Variants in ESRRG observed in about 807,000 individuals in gnomAD.
ESRRG encodes the protein estrogen related receptor gamma.
A neutral mutation model predicts 44.0 loss-of-function variants in ESRRG; 13 were observed. The ratio of observed to expected loss-of-function variants is 0.30; its 90% CI spans 0.19 to 0.47. The LOEUF (loss-of-function observed/expected upper bound fraction) is 0.47, where lower values mean the gene tolerates loss of function less well. ESRRG is among the 20% of genes least tolerant of loss of function. The pLI is 1.00. For synonymous variants in ESRRG, 215 were observed against 214.6 expected (o/e 1.00, Z -0.02); for missense variants, 395 against 580.6 (o/e 0.68, Z 3.29).
At chr1:216,670,096 T>C (rs2074859884) in intron 2 of ESRRG, among the ~76,000 whole-genome samples, 1 of 152,242 alleles carries the variant, frequency 6.6e-6, no homozygotes, top group Non-Finnish European at 1.5e-5. Context: ...GAGGTAGTTA[T>C]TTTCTCTAGA....
intron 1 of ESRRG, among the ~76,000 whole-genome samples, chr1:217,087,311 C>A (rs1485830212): frequency 6.6e-6 from 1 of 152,332 alleles, no homozygotes; most frequent in African/African-American, 2.4e-5. Flanking sequence ...CACTGCCATT[C>A]TCATGCTGAT....
At chr1:216,696,785 T>C (rs1399367736) in intron 1 of ESRRG, among the ~76,000 whole-genome samples, 1 of 152,050 alleles carries the variant, frequency 6.6e-6, no homozygotes, top group African/African-American at 2.4e-5. Context: ...AATGTATAAT[T>C]AATATAAATT....
In ESRRG at chr1:216,639,645, G is replaced by A. The variant is rs530065917; in HGVS notation, c.589+11328C>T. ...CCATATCCCCAAGACACATACAAAC[G>A]CTAGTAAAATGGTGCAGACATAATA... On this transcript the variant is annotated intron_variant, in intron 3 of 6. Coordinates refer to ENST00000408911, the MANE Select transcript of ESRRG (RefSeq NM_001438.4). Among the ~76,000 whole-genome samples the A allele has an allele frequency of 1.7e-4, 26 of 152,158 alleles. No homozygotes were observed. The East Asian group carries it at 4.6e-3, about 27-fold the overall frequency.
chr1:216,903,609 C>T (rs978531521), intron 2 of ESRRG, among the ~76,000 whole-genome samples: 4 of 151,820 alleles, frequency 2.6e-5, no homozygotes, highest in Non-Finnish European at 5.9e-5. Flanking sequence ...CAGCTGGTCC[C>T]TGCTGGCCTA....
chr1:216,766,113 T>A (rs922385404), intron 2 of ESRRG, among the ~76,000 whole-genome samples: 1 of 152,116 alleles, frequency 6.6e-6, no homozygotes, highest in African/African-American at 2.4e-5. Context: ...AGCATACTTG[T>A]CCTCACGGAG....
At chr1:217,137,475 A>C (rs2093065068) in intron 1 of ESRRG, among the ~76,000 whole-genome samples, 1 of 152,174 alleles carries the variant, frequency 6.6e-6, no homozygotes, top group African/African-American at 2.4e-5. Flanking sequence ...AGCCCCCGCG[A>C]AGACCGCGCC....
chr1:216,676,101 A>C (rs1270378744), intron 2 of ESRRG, among the ~76,000 whole-genome samples: 3 of 152,328 alleles, frequency 2.0e-5, no homozygotes, highest in Non-Finnish European at 4.4e-5. Context: ...GTGGATCCTC[A>C]AAATATATTT....
intron 2 of ESRRG, among the ~76,000 whole-genome samples, chr1:216,826,561 T>C (rs1010758806): frequency 3.9e-5 from 6 of 152,240 alleles, no homozygotes; most frequent in Non-Finnish European, 8.8e-5. Context: ...GAAATTGTTC[T>C]TATAAATATT....
chr1:216,769,879 T>C (rs1386068447), intron 2 of ESRRG, among the ~76,000 whole-genome samples: 7 of 152,086 alleles, frequency 4.6e-5, no homozygotes, highest in African/African-American at 7.2e-5. Context: ...AACTATGATA[T>C]TAGATTACTC....
chr1:216,796,216 C>T (rs1440623223), intron 2 of ESRRG, among the ~76,000 whole-genome samples: 1 of 152,174 alleles, frequency 6.6e-6, no homozygotes, highest in Non-Finnish European at 1.5e-5. Context: ...TGCTGTGGGA[C>T]ACCCTGCTGA....
intron 1 of ESRRG, among the ~76,000 whole-genome samples, chr1:217,015,195 T>C (rs2079163808): frequency 6.6e-6 from 1 of 152,208 alleles, no homozygotes; most frequent in Non-Finnish European, 1.5e-5. Context: ...CTGAAAATAG[T>C]GCAGGGGCTG....
chr1:217,074,321 T>G lies in ESRRG; in HGVS notation c.-106+15186A>C, dbSNP rs186517808. Among the ~76,000 whole-genome samples the G allele has an allele frequency of 5.7e-3, 872 of 151,908 alleles. 7 individuals are homozygous for G. Among genetic ancestry groups the G allele is most frequent in the African/African-American group, 0.02 (843 of 41,408 alleles). On this transcript the variant is annotated intron_variant, in intron 1 of 7. Transcript: ENST00000359162. Reference sequence around the variant, plus strand: ...ACTTTGGCCTCCCAGAGTGCTGGGATTACAGGCATGAACCACCGCGCCCAG... The same window carrying G: ...ACTTTGGCCTCCCAGAGTGCTGGGAGTACAGGCATGAACCACCGCGCCCAG...
intron 3 of ESRRG, among the ~76,000 whole-genome samples, chr1:216,639,200 C>T (rs2065899504): frequency 6.6e-6 from 1 of 152,022 alleles, no homozygotes; most frequent in African/African-American, 2.4e-5. Context: ...AATGGTAATT[C>T]AGTAGGGTTG....
intron 1 of ESRRG, among the ~76,000 whole-genome samples, chr1:216,713,404 G>A (rs1254164167): frequency 5.4e-5 from 8 of 147,388 alleles, no homozygotes; most frequent in South Asian, 2.2e-4. Flanking sequence ...GAGTTTGCTC[G>A]TTCAGCACAA....
intron 1 of ESRRG, among the ~76,000 whole-genome samples, chr1:217,109,213 T>C (rs2092633783): frequency 6.6e-6 from 1 of 152,098 alleles, no homozygotes; most frequent in South Asian, 2.1e-4. Context: ...TAAATCTGTA[T>C]AAACCAGTGA....
At chr1:216,831,032 G>A (rs35324376) in intron 2 of ESRRG, among the ~76,000 whole-genome samples, 3,574 of 151,916 alleles carry the variant, frequency 0.024, 69 homozygotes, top group Middle Eastern at 0.054. Context: ...GGGGAGGTTG[G>A]GGGAGGAAAC....
chr1:216,894,966 C>T (rs1577801655), intron 2 of ESRRG, among the ~76,000 whole-genome samples: 1 of 152,108 alleles, frequency 6.6e-6, no homozygotes, highest in South Asian at 2.1e-4. Context: ...TAGTACAGCT[C>T]TGATTTATGT....
intron 2 of ESRRG, among the ~76,000 whole-genome samples, chr1:216,786,064 A>AG (rs2094118304): frequency 6.6e-6 from 1 of 152,116 alleles, no homozygotes; most frequent in South Asian, 2.1e-4. Context: ...GTCAGCCACC[A>AG]GGGAAGTGCA....
chr1:216,930,049 A>G (rs935798259), intron 2 of ESRRG, among the ~76,000 whole-genome samples: 1 of 152,100 alleles, frequency 6.6e-6, no homozygotes, highest in African/African-American at 2.4e-5. Context: ...GAGACCCCTC[A>G]CCACTGTCCT....
Sources: allele counts gnomAD v4.1 joint callset (sites outside exome capture counted in the v4.1 genomes callset), GRCh38; gene constraint gnomAD v4.1.1; transcripts MANE v1.5; gene names NCBI Gene and HGNC (gene_info 2026-07-23, HGNC 2026-07-21).